WDPCP: variants seen among roughly 807,000 people sequenced by gnomAD.
WDPCP encodes WD repeat containing planar cell polarity effector.
WDPCP carries 71 observed loss-of-function variants against 93.1 expected under a neutral mutation model. The observed-to-expected ratio is 0.76, with a 90% CI of 0.63 to 0.93. The LOEUF is 0.93. WDPCP is among the 40% of genes least tolerant of loss of function. The pLI, the probability that WDPCP is intolerant of heterozygous loss-of-function variation, is 0.00. For synonymous variants in WDPCP, 315 were observed against 315.0 expected, an observed-to-expected ratio of 1.00 and a Z score of 0.00; for missense variants, 844 against 887.4, an observed-to-expected ratio of 0.95 and a Z score of 0.62.
At chr2:63,472,623 C>CT (rs1360999285) in intron 6 of WDPCP, among the ~76,000 whole-genome samples, 2 of 152,094 alleles carry the variant, frequency 1.3e-5, no homozygotes, top group Non-Finnish European at 2.9e-5. Context: ...GAGTCTCACT[C>CT]TGTCTCCCAG....
intron 17 of WDPCP, among the ~76,000 whole-genome samples, chr2:63,147,017 A>C (rs183749888): frequency 3.8e-4 from 58 of 152,360 alleles, no homozygotes; most frequent in Admixed American, 2.1e-3. Flanking sequence ...AGTTTGGTTC[A>C]GTCAACATTT....
At chr2:63,177,617 G>C (rs1395750469) in intron 14 of WDPCP, among the ~76,000 whole-genome samples, 1 of 152,086 alleles carries the variant, frequency 6.6e-6, no homozygotes, top group Admixed American at 6.6e-5. Context: ...TTATTCTAAA[G>C]TTTAAATGGG....
At chr2:63,828,896 T>C (rs928301691), upstream of WDPCP, among the ~76,000 whole-genome samples, 2 of 152,214 alleles carry the variant, frequency 1.3e-5, no homozygotes, top group African/African-American at 4.8e-5. Flanking sequence ...AATGGTAAGA[T>C]TGACTATCAT....
intron 2 of WDPCP, among the ~76,000 whole-genome samples, chr2:63,754,927 C>T (rs1307251891): frequency 6.6e-6 from 1 of 152,096 alleles, no homozygotes; most frequent in East Asian, 1.9e-4. Context: ...CATGAGTTTG[C>T]CATCAGATGT....
At chr2:63,748,179 A>G (rs1235164812) in intron 2 of WDPCP, among the ~76,000 whole-genome samples, 2 of 151,752 alleles carry the variant, frequency 1.3e-5, no homozygotes, top group African/African-American at 2.4e-5. Context: ...TTTACATATT[A>G]ACAGTATTAT....
intron 13 of WDPCP, among the ~76,000 whole-genome samples, chr2:63,261,515 G>A (rs1681629109): frequency 6.6e-6 from 1 of 152,146 alleles, no homozygotes; most frequent in African/African-American, 2.4e-5. Flanking sequence ...TTTCAAAGGT[G>A]AAGTATGTAA....
At chr2:63,479,568 G>A (rs939857397) in intron 6 of WDPCP, among the ~76,000 whole-genome samples, 1 of 152,000 alleles carries the variant, frequency 6.6e-6, no homozygotes, top group African/African-American at 2.4e-5. Flanking sequence ...TGCATAAACA[G>A]AATTAAAAAC....
Position 63,596,407 on chromosome 2 carries a change from T to C in WDPCP, n.488+54252A>G, listed in dbSNP as rs1003653606. On this transcript the variant is annotated intron_variant and non_coding_transcript_variant, in intron 3 of 4. Transcript: ENST00000467687. ...ATGACTGCCCACACTATTCTGTTGG[T>C]TCCCTTTTCTCACCCACAGCTCTTT... Among the ~76,000 whole-genome samples, 17 of 152,338 alleles carry C rather than the reference T, an allele frequency of 1.1e-4. No individual in the cohort carries two copies. The South Asian group carries it at 3.5e-3, about 32-fold the overall frequency.
At chr2:63,448,392 TCAAAG>T (rs1365729957) in intron 6 of WDPCP, among the ~76,000 whole-genome samples, 1 of 151,900 alleles carries the variant, frequency 6.6e-6, no homozygotes, top group Non-Finnish European at 1.5e-5. Context: ...CAGGCCCCTC[TCAAAG>T]ACTTACAACC....
chr2:63,327,499 A>C (rs958078087), intron 12 of WDPCP, among the ~76,000 whole-genome samples: 5 of 152,130 alleles, frequency 3.3e-5, no homozygotes, highest in African/African-American at 1.2e-4. Context: ...TACAATCCCA[A>C]ATAGACTCTG....
intron 9 of WDPCP, among the ~76,000 whole-genome samples, chr2:63,420,487 C>T (rs1226170532): frequency 2.0e-5 from 3 of 149,792 alleles, no homozygotes; most frequent in Non-Finnish European, 4.4e-5. Context: ...TGAGCCGACA[C>T]GGCACCATTG....
intron 9 of WDPCP, among the ~76,000 whole-genome samples, chr2:63,413,842 A>C (rs1278431284): frequency 6.6e-6 from 1 of 152,092 alleles, no homozygotes; most frequent in Non-Finnish European, 1.5e-5. Flanking sequence ...GGACTTAATT[A>C]AACTAAAGAG....
chr2:63,360,220 T>C (rs893609079), intron 12 of WDPCP: 5 of 152,216 alleles, frequency 3.3e-5, no homozygotes, highest in African/African-American at 1.2e-4. Context: ...AAACCAAACC[T>C]TAGCTTTGAA....
chr2:63,437,840 T>G, intron 7 of WDPCP: 3 of 1,597,296 alleles, frequency 1.9e-6, no homozygotes, highest in Non-Finnish European at 2.6e-6. Context: ...TATAAAGGTA[T>G]TTTTAAAAAA....
At chr2:63,349,899 T>C (rs949638681) in intron 12 of WDPCP, among the ~76,000 whole-genome samples, 1 of 152,194 alleles carries the variant, frequency 6.6e-6, no homozygotes, top group African/African-American at 2.4e-5. Context: ...ATTCAGGGAA[T>C]AGGCTAGATT....
At chr2:63,378,663 A>G (rs1051508158) in intron 11 of WDPCP, among the ~76,000 whole-genome samples, 154 bp from the exon 12 acceptor site, 1 of 152,126 alleles carries the variant, frequency 6.6e-6, no homozygotes, top group African/African-American at 2.4e-5. Context: ...AGCTGGTACA[A>G]AAACAAACCT....
chr2:63,328,238 T>A (rs926886765), intron 12 of WDPCP, among the ~76,000 whole-genome samples: 1 of 151,884 alleles, frequency 6.6e-6, no homozygotes, highest in Non-Finnish European at 1.5e-5. Flanking sequence ...ATCAGCAGGA[T>A]GTGGGTGGGC....
intron 3 of WDPCP, among the ~76,000 whole-genome samples, chr2:63,632,268 C>T (rs1434611881): frequency 1.3e-5 from 2 of 152,162 alleles, no homozygotes; most frequent in Middle Eastern, 3.4e-3. Context: ...AGAACAACAA[C>T]AACAACAAAA....
At chr2:63,178,537 G>C (rs1037071484) in intron 14 of WDPCP, among the ~76,000 whole-genome samples, 2 of 151,798 alleles carry the variant, frequency 1.3e-5, no homozygotes, top group Non-Finnish European at 2.9e-5. Flanking sequence ...ATTTTATGTC[G>C]TATTGGCTGT....
Sources: gnomAD v4.1 joint callset for allele counts (sites outside exome capture counted in the v4.1 genomes callset) on GRCh38, gnomAD v4.1.1 for gene constraint, MANE v1.5 for transcripts, NCBI Gene and HGNC (gene_info 2026-07-23, HGNC 2026-07-21) for gene names.